Variants in SPRED1 observed in about 807,000 individuals in gnomAD.
The protein encoded by SPRED1 is sprouty related EVH1 domain containing 1.
A neutral mutation model predicts 52.3 loss-of-function variants in SPRED1; 18 were observed. The ratio of observed to expected loss-of-function variants is 0.34; its 90% CI spans 0.24 to 0.51. SPRED1 has a LOEUF of 0.51. Among genes scored for constraint, SPRED1 ranks in the 20% least tolerant of loss-of-function variants. The pLI, the probability that SPRED1 is intolerant of heterozygous loss-of-function variation, is 0.97. For missense variants in SPRED1, 485 were observed against 551.0 expected (o/e 0.88, Z 1.20); for synonymous variants, 155 against 179.7 (o/e 0.86, Z 1.10).
In SPRED1 at chr15:38,354,700, G is replaced by T. The variant is rs908386407; in HGVS notation, c.*3036G>T. 4.0e-5 allele frequency: 6 copies of T among 151,744 alleles called. No individual in the cohort carries two copies. The highest frequency in any genetic ancestry group is 1.5e-4 in the African/African-American group (6 of 41,040). The allele number at this position is 151,744 out of a possible 1,614,324, so 9.4% of individuals were successfully genotyped here. A position where few individuals can be genotyped will look rare whatever the true frequency, so the allele number is the denominator to read the frequency against. On this transcript the variant is annotated 3_prime_UTR_variant, in exon 7 of 7. Transcript: ENST00000299084. ...AATGTGTCTTGTTGGCTTGCTGAAA[G>T]ATTTTAAGCACTTTTTTCTTACATA...
At chr15:38,297,894 T>G (rs1895071391) in intron 1 of SPRED1, among the ~76,000 whole-genome samples, 1 of 152,320 alleles carries the variant, frequency 6.6e-6, no homozygotes, top group Admixed American at 6.5e-5. Flanking sequence ...ATAGTAAGTT[T>G]CTAAGCCAAG....
At chr15:38,268,064 A>G (rs1443949022) in intron 1 of SPRED1, 1 of 152,340 alleles carries the variant, frequency 6.6e-6, no homozygotes, top group East Asian at 1.9e-4. Flanking sequence ...ACAAATAATT[A>G]TATACTTATA....
chr15:38,305,511 A>G (rs1302270329), intron 2 of SPRED1, among the ~76,000 whole-genome samples: 2 of 152,022 alleles, frequency 1.3e-5, no homozygotes, highest in East Asian at 1.9e-4. Context: ...TTCTAGTGGA[A>G]GATAAATATT....
In SPRED1 at chr15:38,352,564, T is replaced by C. The variant is rs560864932; in HGVS notation, c.*900T>C. On this transcript the variant is annotated 3_prime_UTR_variant, in exon 7 of 7. Transcript: ENST00000299084. ...GAAAAAAAGTGAAGTTTTTTAGTTG[T>C]TTTTTGTGGTATTCAACCAGCAAGT... is the stretch of plus-strand genomic sequence containing the variant. The C allele has an allele frequency of 6.6e-6, 1 of 152,636 alleles. No homozygotes were observed. Among genetic ancestry groups the C allele is most frequent in the Non-Finnish European group, 1.5e-5 (1 of 67,954 alleles). 9.5% of individuals were successfully genotyped at this position (152,636 alleles called of 1,614,324 possible).
intron 4 of SPRED1, among the ~76,000 whole-genome samples, chr15:38,330,706 C>T (rs1895791478): frequency 6.6e-6 from 1 of 152,028 alleles, no homozygotes; most frequent in African/African-American, 2.4e-5. Flanking sequence ...ATTTAATAAA[C>T]CAATGATATA....
chr15:38,335,039 C>T (rs751674660), intron 4 of SPRED1, among the ~76,000 whole-genome samples: 6 of 151,962 alleles, frequency 3.9e-5, no homozygotes, highest in Non-Finnish European at 8.8e-5. Context: ...TGGCATTATA[C>T]TTTCATGTGT....
At chr15:38,341,246 T>C (rs1896024280) in intron 5 of SPRED1, among the ~76,000 whole-genome samples, 4 of 152,044 alleles carry the variant, frequency 2.6e-5, no homozygotes, top group Admixed American at 2.6e-4. Context: ...ATTTTAGCCT[T>C]TTCAAAGATA....
intron 4 of SPRED1, among the ~76,000 whole-genome samples, chr15:38,329,225 A>C (rs1895765032): frequency 6.6e-6 from 1 of 152,168 alleles, no homozygotes; most frequent in Non-Finnish European, 1.5e-5. Flanking sequence ...CAGAAGAAAG[A>C]TGAGATCTGA....
At chr15:38,317,121 G>T (rs1364890136) in intron 2 of SPRED1, among the ~76,000 whole-genome samples, 1 of 151,668 alleles carries the variant, frequency 6.6e-6, no homozygotes, top group Non-Finnish European at 1.5e-5. Context: ...TCATTAATAC[G>T]ATGGGGACCT....
chr15:38,300,139 A>G (rs1001706666), intron 2 of SPRED1, among the ~76,000 whole-genome samples: 8 of 152,116 alleles, frequency 5.3e-5, no homozygotes, highest in Admixed American at 1.3e-4. Flanking sequence ...TTCCATGCAG[A>G]TGTGTGGTTT....
chr15:38,279,834 C>T (rs36094528), intron 1 of SPRED1, among the ~76,000 whole-genome samples: 4,601 of 152,178 alleles, frequency 0.03, 103 homozygotes, highest in Non-Finnish European at 0.044. Flanking sequence ...ACATGACAAA[C>T]ACTTATGGGG....
At chr15:38,295,730 A>C (rs1287624306) in intron 1 of SPRED1, among the ~76,000 whole-genome samples, 2 of 152,198 alleles carry the variant, frequency 1.3e-5, no homozygotes, top group Non-Finnish European at 2.9e-5. Flanking sequence ...CATCATGCAC[A>C]ATTATTTTAC....
intron 1 of SPRED1, among the ~76,000 whole-genome samples, chr15:38,258,869 G>C (rs1306043998): frequency 6.6e-6 from 1 of 152,140 alleles, no homozygotes; most frequent in Non-Finnish European, 1.5e-5. Context: ...ATAGTCTAAA[G>C]AACACTGGAC....
At chr15:38,253,264 G>T (rs1489204755) in intron 1 of SPRED1, 47 bp downstream of exon 1, 2 of 1,544,260 alleles carry the variant, frequency 1.3e-6, no homozygotes, top group Non-Finnish European at 1.8e-6. Flanking sequence ...CCCCCTATCC[G>T]CCCTCGGCTC....
At chr15:38,276,270 G>A (rs1044006423) in intron 1 of SPRED1, among the ~76,000 whole-genome samples, 3 of 150,512 alleles carry the variant, frequency 2.0e-5, no homozygotes, top group Non-Finnish European at 4.4e-5. Context: ...AAGGGGTAGA[G>A]GTAGGTGTAT....
At chr15:38,339,480 G>A (rs555894804) in intron 4 of SPRED1, among the ~76,000 whole-genome samples, 25 of 152,140 alleles carry the variant, frequency 1.6e-4, no homozygotes, top group African/African-American at 6.0e-4. Flanking sequence ...GACATGGTTA[G>A]CCTTTTAGTT....
At chr15:38,322,212 A>G (rs767004300) in intron 2 of SPRED1, 29 bp from the exon 3 acceptor site, 13 of 1,609,020 alleles carry the variant, frequency 8.1e-6, no homozygotes, top group Admixed American at 3.3e-5. Flanking sequence ...ATATATGTAT[A>G]TTAATTTTTG....
chr15:38,304,983 C>T (rs1895222336), intron 2 of SPRED1, among the ~76,000 whole-genome samples: 1 of 151,780 alleles, frequency 6.6e-6, no homozygotes, highest in African/African-American at 2.4e-5. Flanking sequence ...TTTTTTTAAC[C>T]TTAGTTGACA....
At chr15:38,316,758 T>TTTG (rs1895493238) in intron 2 of SPRED1, among the ~76,000 whole-genome samples, 6 of 142,036 alleles carry the variant, frequency 4.2e-5, no homozygotes, top group South Asian at 2.2e-4. Flanking sequence ...GTTTTTTTTT[T>TTTG]TTTTTTTTTT....
Sources: allele counts gnomAD v4.1 joint callset (sites outside exome capture counted in the v4.1 genomes callset), GRCh38; gene constraint gnomAD v4.1.1; transcripts MANE v1.5; gene names NCBI Gene and HGNC (gene_info 2026-07-23, HGNC 2026-07-21).